CDH13: variants seen among roughly 807,000 people sequenced by gnomAD.
CDH13 encodes the protein cadherin-13.
Under a neutral mutation model 63.8 loss-of-function variants are expected in CDH13, and 24 were observed. That is an observed-to-expected ratio of 0.38 (90% CI 0.27 to 0.53). CDH13 has a LOEUF of 0.53. Among genes scored for constraint, CDH13 ranks in the 20% least tolerant of loss-of-function variants. The pLI, the probability that CDH13 is intolerant of heterozygous loss-of-function variation, is 0.85. For synonymous variants in CDH13, 503 were observed against 355.3 expected (o/e 1.42, Z -4.67); for missense variants, 1,049 against 903.1 (o/e 1.16, Z -2.07).
At chr16:83,014,757 T>C (rs1424597167) in intron 2 of CDH13, among the ~76,000 whole-genome samples, 3 of 40,806 alleles carry the variant, frequency 7.4e-5, no homozygotes, top group African/African-American at 2.6e-4. Context: ...TATATATATA[T>C]ATATATATAT....
intron 5 of CDH13, among the ~76,000 whole-genome samples, chr16:83,312,061 C>T (rs1315674019): frequency 9.9e-6 from 1 of 101,332 alleles, no homozygotes; most frequent in African/African-American, 4.0e-5. Context: ...AATAAAACTC[C>T]ATCTCAAAAA....
chr16:83,225,068 A>G (rs903831904), intron 5 of CDH13, among the ~76,000 whole-genome samples: 1 of 152,162 alleles, frequency 6.6e-6, no homozygotes, highest in Non-Finnish European at 1.5e-5. Flanking sequence ...GTAAATTGTT[A>G]GGTGCTTTCC....
At chr16:82,674,276 C>G (rs1567614060) in intron 1 of CDH13, among the ~76,000 whole-genome samples, 1 of 152,274 alleles carries the variant, frequency 6.6e-6, no homozygotes, top group Middle Eastern at 3.4e-3. Context: ...AGTTTCACCC[C>G]TTTCTAAATA....
chr16:82,963,480 C>G (rs1484337026), intron 2 of CDH13, among the ~76,000 whole-genome samples: 5 of 152,172 alleles, frequency 3.3e-5, no homozygotes, highest in African/African-American at 1.2e-4. Flanking sequence ...TATGGTTTCA[C>G]CGTATCACAT....
chr16:83,516,215 T>C (rs4075942), intron 7 of CDH13, among the ~76,000 whole-genome samples: 10,419 of 152,306 alleles, frequency 0.068, 394 homozygotes, highest in African/African-American at 0.073. Context: ...CAAAGTTTTC[T>C]TTATAGTGCC....
chr16:82,734,153 G>A (rs921867870), intron 1 of CDH13, among the ~76,000 whole-genome samples: 13 of 152,226 alleles, frequency 8.5e-5, no homozygotes, highest in African/African-American at 2.4e-5. Context: ...CATGGCCAAT[G>A]GGCCAACTTT....
At chr16:83,141,908 A>G (rs186524395) in intron 4 of CDH13, among the ~76,000 whole-genome samples, 2 of 152,254 alleles carry the variant, frequency 1.3e-5, no homozygotes, top group African/African-American at 4.8e-5. Context: ...TAGGAGCTCA[A>G]CTAGCAACTC....
chr16:82,850,691 C>T (rs560952755), intron 1 of CDH13, among the ~76,000 whole-genome samples: 88 of 152,188 alleles, frequency 5.8e-4, no homozygotes, highest in African/African-American at 2.0e-3. Flanking sequence ...GATTGGCAAA[C>T]CTCGTTGTTT....
chr16:83,162,601 C>A (rs1408922934), intron 4 of CDH13, among the ~76,000 whole-genome samples: 1 of 150,702 alleles, frequency 6.6e-6, no homozygotes, highest in Non-Finnish European at 1.5e-5. Context: ...GGAATCAGGG[C>A]AGGAAGTATC....
At chr16:83,352,375 A>C (rs1486823667) in intron 6 of CDH13, among the ~76,000 whole-genome samples, 1 of 152,224 alleles carries the variant, frequency 6.6e-6, no homozygotes, top group Non-Finnish European at 1.5e-5. Flanking sequence ...GTGGAAATGT[A>C]AACAAATACA....
chr16:82,767,518 C>T (rs1465384247), intron 1 of CDH13, among the ~76,000 whole-genome samples: 2 of 152,210 alleles, frequency 1.3e-5, no homozygotes, highest in Non-Finnish European at 2.9e-5. Flanking sequence ...TTGTAGAAGT[C>T]TAGCTTACCC....
chr16:83,189,607 G>C (rs772674656), intron 4 of CDH13, among the ~76,000 whole-genome samples: 55 of 152,260 alleles, frequency 3.6e-4, no homozygotes, highest in African/African-American at 1.1e-3. Context: ...GCTGGATCCA[G>C]GCCTCACACA....
intron 4 of CDH13, among the ~76,000 whole-genome samples, chr16:83,191,096 A>G (rs2038682892): frequency 2.0e-5 from 3 of 151,102 alleles, no homozygotes. Context: ...TTACTTGGAT[A>G]GTTTCTTAAC....
chr16:82,800,030 C>T (rs1479415611), intron 1 of CDH13, among the ~76,000 whole-genome samples: 1 of 152,192 alleles, frequency 6.6e-6, no homozygotes, highest in Non-Finnish European at 1.5e-5. Flanking sequence ...ACTCGAATGA[C>T]ATCACATCTT....
At position 82,668,818 on chromosome 16, in the gene CDH13, C is replaced by T. The variant is rs182882392; in HGVS notation, c.45+41681C>T. Among the ~76,000 whole-genome samples the T allele has an allele frequency of 1.4e-4, 22 of 152,246 alleles. No individual in the cohort carries two copies. The South Asian group carries it at 1.5e-3, about 10-fold the overall frequency. Reference sequence around the variant, plus strand: ...CAGAACAGGGAAAAGCAAGGAGTGACGATGTCAGAGAGGGGCTGTGAGCCC... The same window carrying T: ...CAGAACAGGGAAAAGCAAGGAGTGATGATGTCAGAGAGGGGCTGTGAGCCC... On this transcript the variant is annotated intron_variant, in intron 1 of 13. Transcript: ENST00000567109.
chr16:83,250,294 C>A (rs1011653954), intron 5 of CDH13, among the ~76,000 whole-genome samples: 1 of 152,030 alleles, frequency 6.6e-6, no homozygotes, highest in Non-Finnish European at 1.5e-5. Flanking sequence ...ATTTAATATT[C>A]AAAGAACACC....
At chr16:83,781,469 T>C (rs1915517559) in intron 12 of CDH13, among the ~76,000 whole-genome samples, 1 of 152,238 alleles carries the variant, frequency 6.6e-6, no homozygotes, top group South Asian at 2.1e-4. Flanking sequence ...GTTTTGCAAA[T>C]GTATTGTACA....
intron 6 of CDH13, among the ~76,000 whole-genome samples, chr16:83,407,503 T>C (rs900370834): frequency 3.3e-5 from 5 of 152,208 alleles, no homozygotes; most frequent in African/African-American, 1.2e-4. Context: ...ACTATGACTC[T>C]AGCTCAGAAA....
chr16:83,087,543 C>T (rs2033665931), intron 3 of CDH13, among the ~76,000 whole-genome samples: 1 of 151,768 alleles, frequency 6.6e-6, no homozygotes, highest in Admixed American at 6.6e-5. Flanking sequence ...TGGCATGTGC[C>T]TATAGTCCCA....
Sources: allele counts gnomAD v4.1 joint callset (sites outside exome capture counted in the v4.1 genomes callset), GRCh38; gene constraint gnomAD v4.1.1; transcripts MANE v1.5; gene names NCBI Gene and HGNC (gene_info 2026-07-23, HGNC 2026-07-21).